UGT2A2: variants seen among roughly 807,000 people sequenced by gnomAD.
UGT2A2 encodes UDP glucuronosyltransferase family 2 member A2.
A neutral mutation model predicts 50.7 loss-of-function variants in UGT2A2; 60 were observed. That is an observed-to-expected ratio of 1.18 (90% CI 0.96 to 1.47). The LOEUF is 1.47. Among genes scored for constraint, UGT2A2 ranks in the 40% most tolerant of loss-of-function variants. UGT2A2 has a pLI of 0.00. For missense variants in UGT2A2, 762 were observed against 634.0 expected (o/e 1.20, Z -2.17); for synonymous variants, 242 against 214.6 (o/e 1.13, Z -1.11).
chr4:69,597,086 C>A (rs1247798754), intron 2 of UGT2A2, among the ~76,000 whole-genome samples: 1 of 152,104 alleles, frequency 6.6e-6, no homozygotes, highest in Non-Finnish European at 1.5e-5. Context: ...TGTTAGCATT[C>A]CAGTTATATC....
chr4:69,632,653 G>A (rs555726009), intron 1 of UGT2A2, among the ~76,000 whole-genome samples: 2 of 152,222 alleles, frequency 1.3e-5, no homozygotes, highest in African/African-American at 4.8e-5. Context: ...ACTTTGGGAG[G>A]CAGAGGCGGG....
At chr4:69,616,201 A>ATG (rs1720369218) in intron 1 of UGT2A2, among the ~76,000 whole-genome samples, 1 of 151,850 alleles carries the variant, frequency 6.6e-6, no homozygotes, top group Admixed American at 6.6e-5. Flanking sequence ...GAAGATATAG[A>ATG]GTAGAGAGAT....
At chr4:69,626,947 A>G (rs1721093799) in intron 1 of UGT2A2, among the ~76,000 whole-genome samples, 1 of 151,794 alleles carries the variant, frequency 6.6e-6, no homozygotes, top group Non-Finnish European at 1.5e-5. Flanking sequence ...TAGATGGTTT[A>G]GACTCGACTT....
rs534550971 is a variant in UGT2A2 at position 69,616,126 on chromosome 4, A to G, written c.743-16732T>C. ...TGAAATAAGCCAGGCGCGGAAAGAC[A>G]AATATGCCGTGTTTTCACTCACATG... On this transcript the variant is annotated intron_variant, in intron 1 of 5. Transcript: ENST00000604629. Among the ~76,000 whole-genome samples, 11 of 152,112 alleles carry G rather than the reference A, an allele frequency of 7.2e-5. No homozygotes were observed. The South Asian group carries it at 2.3e-3, about 32-fold the overall frequency.
At chr4:69,630,338 C>T (rs1035253803) in intron 1 of UGT2A2, among the ~76,000 whole-genome samples, 1 of 151,972 alleles carries the variant, frequency 6.6e-6, no homozygotes, top group African/African-American at 2.4e-5. Flanking sequence ...TGCCATGCAG[C>T]GTCTTTACTC....
rs1399964250 is a variant in UGT2A2 at position 69,604,561 on chromosome 4, C to G, written c.743-5167G>C. On this transcript the variant is annotated intron_variant, in intron 1 of 5. Transcript: ENST00000604629. The stretch of plus-strand genomic sequence containing the variant: ...CATCATAATGACAGGATCAAGTTCA[C>G]ACATAAGAATATTAACCTTAAACAT... Among the ~76,000 whole-genome samples, 4 of 136,338 alleles carry G rather than the reference C, an allele frequency of 2.9e-5. 1 individual carries two copies. The highest frequency in any genetic ancestry group is 6.2e-5 in the Non-Finnish European group (4 of 64,204). The allele number at this position is 136,338 out of a possible 152,430, so 89.4% of individuals were successfully genotyped here.
intron 1 of UGT2A2, among the ~76,000 whole-genome samples, chr4:69,634,866 C>T (rs1721588137): frequency 6.6e-6 from 1 of 152,068 alleles, no homozygotes. Flanking sequence ...AGACAAAATG[C>T]CCATTACCCT....
At chr4:69,597,653 C>T (rs1382908867) in intron 2 of UGT2A2, among the ~76,000 whole-genome samples, 1 of 152,020 alleles carries the variant, frequency 6.6e-6, no homozygotes, top group East Asian at 1.9e-4. Flanking sequence ...TTTCTGAAGT[C>T]CCAGGAATTG....
chr4:69,596,441 A>G (rs946668330), intron 2 of UGT2A2, 60 bp from the exon 3 acceptor site: 29 of 1,421,610 alleles, frequency 2.0e-5, no homozygotes, highest in African/African-American at 7.3e-5. Flanking sequence ...AAATAAGTTT[A>G]CTTACACATT....
At chr4:69,610,766 G>T (rs1719988887) in intron 1 of UGT2A2, among the ~76,000 whole-genome samples, 1 of 152,086 alleles carries the variant, frequency 6.6e-6, no homozygotes. Flanking sequence ...AAAACTTCAA[G>T]AAAAAACAGA....
chr4:69,609,821 G>T (rs1167493981), intron 1 of UGT2A2, among the ~76,000 whole-genome samples: 1 of 152,122 alleles, frequency 6.6e-6, no homozygotes, highest in African/African-American at 2.4e-5. Context: ...ACAGTCAATT[G>T]TCAATTGACA....
rs778037094 is a variant in UGT2A2 at position 69,638,990 on chromosome 4, T to C, written c.651A>G (p.Glu217=). 1.2e-6 allele frequency: 2 copies of C among 1,613,014 alleles called. No individual in the cohort carries two copies. Among genetic ancestry groups the C allele is most frequent in the Admixed American group, 3.3e-5 (2 of 59,862 alleles). ...AATAAGATATGGTATTTTTAATCCT[T>C]TCACCAAAGGTCATCTGGTCAGTGA... is the stretch of plus-strand genomic sequence containing the variant. ...SELTDQMTFG[E]RIKNTISYSL... The change falls in exon 1 of 6, where the codon GAA becomes GAG. Residue 217 remains glutamate (E), a synonymous_variant. Coordinates refer to ENST00000604629, the MANE Select transcript of UGT2A2 (RefSeq NM_001105677.2).
chr4:69,589,802 G>A (rs1718487050), intron 5 of UGT2A2, 151 bp from the exon 6 acceptor site: 7 of 1,193,990 alleles, frequency 5.9e-6, no homozygotes, highest in South Asian at 1.7e-5. Flanking sequence ...AGTTGTATAG[G>A]ATTTTAAGAG....
At chr4:69,591,191 T>C (rs1399967979) in intron 5 of UGT2A2, among the ~76,000 whole-genome samples, 1 of 151,676 alleles carries the variant, frequency 6.6e-6, no homozygotes, top group Non-Finnish European at 1.5e-5. Context: ...AAAATATGAG[T>C]GACCATGGCC....
intron 1 of UGT2A2, among the ~76,000 whole-genome samples, chr4:69,618,705 G>T (rs1720559308): frequency 6.6e-6 from 1 of 151,818 alleles, no homozygotes; most frequent in Admixed American, 6.6e-5. Context: ...GTAATTCTAA[G>T]TTCAATCAAT....
At chr4:69,619,799 T>C (rs1485080719) in intron 1 of UGT2A2, among the ~76,000 whole-genome samples, 3 of 151,990 alleles carry the variant, frequency 2.0e-5, no homozygotes, top group Non-Finnish European at 4.4e-5. Flanking sequence ...TAAAAGCTAA[T>C]CCATGACAAT....
chr4:69,622,371 A>T (rs1438758376), intron 1 of UGT2A2, among the ~76,000 whole-genome samples: 3 of 151,814 alleles, frequency 2.0e-5, no homozygotes, highest in Non-Finnish European at 4.4e-5. Context: ...TATTTCATAC[A>T]ACTGAGAAAT....
intron 1 of UGT2A2, among the ~76,000 whole-genome samples, chr4:69,602,463 T>TTATC (rs71206000): frequency 0.042 from 4,258 of 100,884 alleles, 661 homozygotes; most frequent in Non-Finnish European, 0.051. Flanking sequence ...ATTTAGGAGT[T>TTATC]TATCTATCTA....
chr4:69,634,779 G>T (rs571958342), intron 1 of UGT2A2, among the ~76,000 whole-genome samples: 31 of 152,198 alleles, frequency 2.0e-4, no homozygotes, highest in Admixed American at 4.6e-4. Context: ...TCTAATAAGA[G>T]ATATCTAAAA....
Sources: gnomAD v4.1 joint callset for allele counts (sites outside exome capture counted in the v4.1 genomes callset) on GRCh38, gnomAD v4.1.1 for gene constraint, MANE v1.5 for transcripts, NCBI Gene and HGNC (gene_info 2026-07-23, HGNC 2026-07-21) for gene names.